The following CIITA variants were observed in gnomAD, a reference collection of about 807,000 sequenced individuals.
CIITA encodes class II major histocompatibility complex transactivator, also known as MHC class II transactivator.
A neutral mutation model predicts 115.1 loss-of-function variants in CIITA; 72 were observed. That is an observed-to-expected ratio of 0.63 (90% CI 0.52 to 0.76). The LOEUF is 0.76. Among genes scored for constraint, CIITA ranks in the 30% least tolerant of loss-of-function variants. The pLI is 0.00. For synonymous variants in CIITA, 763 were observed against 635.6 expected (o/e 1.20, Z -3.02); for missense variants, 1,617 against 1,463.8 (o/e 1.10, Z -1.71).
intron 1 of CIITA, among the ~76,000 whole-genome samples, chr16:10,887,615 C>A (rs373323653): frequency 6.6e-6 from 1 of 152,106 alleles, no homozygotes; most frequent in African/African-American, 2.4e-5. Flanking sequence ...CCTGCCTCAG[C>A]CTCCCAAGTA....
chr16:10,903,660 A>T, intron 8 of CIITA, 71 bp from the exon 9 acceptor site: 1 of 1,539,244 alleles, frequency 6.5e-7, no homozygotes, highest in African/African-American at 1.4e-5. Context: ...AGTTTGGAGT[A>T]GGGGTGACCC....
Position 10,901,757 on chromosome 16 carries a change from T to C in CIITA, c.481+199T>C. The C allele has an allele frequency of 3.0e-6, 2 of 676,094 alleles. No homozygotes were observed. Among genetic ancestry groups the C allele is most frequent in the Non-Finnish European group, 5.1e-6 (2 of 394,736 alleles). The allele number at this position is 676,094 out of a possible 1,614,324, so 41.9% of individuals were successfully genotyped here. A position where few individuals can be genotyped will look rare whatever the true frequency, so the allele number is the denominator to read the frequency against. On this transcript the variant is annotated intron_variant, in intron 6 of 19. Coordinates refer to ENST00000324288, the MANE Select transcript of CIITA (RefSeq NM_000246.4). This position sits in a 1 kb window ranked among gnomAD's most constrained non-coding sequence, Gnocchi z 6.8. ...ACTGTTTGTGGAAGGTGGTAGGGGC[T>C]TGGAGCTAACAGATTGTTCATAGGT... is the stretch of plus-strand genomic sequence containing the variant.
chr16:10,896,827 C>G (rs1471705287), intron 3 of CIITA, among the ~76,000 whole-genome samples: 2 of 152,216 alleles, frequency 1.3e-5, no homozygotes, highest in Non-Finnish European at 2.9e-5. Context: ...CCCCAGAGCA[C>G]AGTGTATTGA....
chr16:10,895,903 G>C, intron 3 of CIITA, 139 bp downstream of exon 3: 1 of 873,418 alleles, frequency 1.1e-6, no homozygotes, highest in East Asian at 2.7e-5. Context: ...CGGAGCAATG[G>C]CTGGAGGAAC....
upstream of CIITA, among the ~76,000 whole-genome samples, chr16:10,873,202 G>T (rs77028406): frequency 0.051 from 7,721 of 152,194 alleles, 1,096 homozygotes; most frequent in East Asian, 0.3. Flanking sequence ...TCAAACTTCT[G>T]GGCTCAAGCG....
chr16:10,875,511 C>T (rs1320928474), upstream of CIITA, among the ~76,000 whole-genome samples: 4 of 152,006 alleles, frequency 2.6e-5, no homozygotes, highest in African/African-American at 9.7e-5. Flanking sequence ...CTAAGTTCCC[C>T]GTCCAGTGCT....
rs1350726803 is a variant in CIITA, at chr16:10,930,977, A to C, written c.*7122A>C. On this transcript the variant is annotated 3_prime_UTR_variant, in exon 20 of 20. Coordinates refer to ENST00000324288, the MANE Select transcript of CIITA (RefSeq NM_000246.4). ...CAGATGCTCACTGCAGAGATCTCCA[A>C]GGCCTGTGGTCATCCTTGAGCCCAT... 1 of 152,282 alleles carries C rather than the reference A, an allele frequency of 6.6e-6. No homozygotes were observed. The highest frequency in any genetic ancestry group is 6.5e-5 in the Admixed American group (1 of 15,282). 9.4% of individuals were successfully genotyped at this position (152,282 alleles called of 1,614,324 possible). A position where few individuals can be genotyped will look rare whatever the true frequency, so the allele number is the denominator to read the frequency against.
chr16:10,894,951 A>G (rs1184363179), intron 1 of CIITA, among the ~76,000 whole-genome samples: 1 of 152,176 alleles, frequency 6.6e-6, no homozygotes, highest in Non-Finnish European at 1.5e-5. Context: ...GGCGTATAGG[A>G]GGTGCTTTAT....
chr16:10,900,587 A>G (rs71381184), intron 5 of CIITA, among the ~76,000 whole-genome samples: 6,902 of 151,852 alleles, frequency 0.045, 208 homozygotes, highest in South Asian at 0.1. Flanking sequence ...TAAAAATACA[A>G]AAATTAGCCA....
chr16:10,916,652 A>G, intron 15 of CIITA, 193 bp downstream of exon 15: 1 of 622,658 alleles, frequency 1.6e-6, no homozygotes, highest in Non-Finnish European at 2.9e-6. Flanking sequence ...CCGCTTCCCA[A>G]AGTGCTGGGA....
rs143304499 is a variant in CIITA at position 10,907,605 on chromosome 16, G to C, written c.2113G>C (p.Glu705Gln). The change falls in exon 11 of 20, where the codon GAG (glutamate) becomes CAG (glutamine). Residue 705 changes from glutamate (E) to glutamine (Q), a missense_variant. Coordinates refer to ENST00000324288, the MANE Select transcript of CIITA (RefSeq NM_000246.4). This position sits in a 1 kb window ranked among gnomAD's most constrained non-coding sequence, Gnocchi z 5.0. ...VQHPPRAAESELAFPSFLLQC... is the reference protein window; with the variant it reads ...VQHPPRAAESQLAFPSFLLQC... The stretch of plus-strand genomic sequence containing the variant: ...ACACCCACCGCGGGCCGCAGAGTCC[G>C]AGCTGGCCTTCCCCAGCTTCCTCCT... 182 of 1,614,116 alleles carry C rather than the reference G, an allele frequency of 1.1e-4. No individual in the cohort carries two copies. Among genetic ancestry groups the C allele is most frequent in the Non-Finnish European group, 1.5e-4 (172 of 1,180,054 alleles).
upstream of CIITA, among the ~76,000 whole-genome samples, chr16:10,875,121 G>T (rs2035744377): frequency 1.3e-5 from 2 of 151,838 alleles, no homozygotes. Context: ...TCACGCCCAG[G>T]CTAATTTTTG....
rs2040986943 is a variant in CIITA, at chr16:10,935,431, G to T, written c.*11576G>T. 6.6e-6 allele frequency: 1 copy of T among 152,190 alleles called. No individual in the cohort carries two copies. Among genetic ancestry groups the T allele is most frequent in the South Asian group, 2.1e-4 (1 of 4,830 alleles). The allele number at this position is 152,190 out of a possible 1,614,324, so 9.4% of individuals were successfully genotyped here. A position where few individuals can be genotyped will look rare whatever the true frequency, so the allele number is the denominator to read the frequency against. Reference sequence around the variant, plus strand: ...TGACTTTAGCTGGCTTTGGTATTTGGCCAAAAGTTAATGACTTTGGCAGTT... The same window carrying T: ...TGACTTTAGCTGGCTTTGGTATTTGTCCAAAAGTTAATGACTTTGGCAGTT... On this transcript the variant is annotated 3_prime_UTR_variant, in exon 20 of 20. Transcript: ENST00000324288.
At chr16:10,868,955 G>A (rs546749682) in intron 1 of CIITA, among the ~76,000 whole-genome samples, 6 of 152,328 alleles carry the variant, frequency 3.9e-5, no homozygotes, top group South Asian at 2.1e-4. Context: ...CTTGACCTGC[G>A]ACAGTGGGCA....
chr16:10,910,471 G>C (rs4780335), intron 13 of CIITA, among the ~76,000 whole-genome samples: 72,005 of 152,068 alleles, frequency 0.47, 17,605 homozygotes, highest in Non-Finnish European at 0.55. Context: ...CCGTTTGCTG[G>C]TTAACATGGT....
upstream of CIITA, among the ~76,000 whole-genome samples, chr16:10,872,281 C>A (rs565799368): frequency 1.3e-5 from 2 of 152,002 alleles, no homozygotes; most frequent in Non-Finnish European, 2.9e-5. Context: ...TGCCACCATG[C>A]CGAGCTAATT....
In CIITA at chr16:10,902,676, C is replaced by T. The variant is rs954347047; in HGVS notation, c.647C>T (p.Ser216Leu). ...CTTGCAGTGCCTTTCTCCAGTTCCT[C>T]GTTGAGCTGCCTGAATCTCCCTGAG... ...DQIPMPFSSS[S>L]LSCLNLPEGP... The change falls in exon 8 of 20, where the codon TCG becomes TTG. Residue 216 changes from serine (S) to leucine (L), a missense_variant. Coordinates refer to ENST00000324288, the MANE Select transcript of CIITA (RefSeq NM_000246.4). 1.5e-5 allele frequency: 25 copies of T among 1,614,126 alleles called. No individual in the cohort carries two copies. Among genetic ancestry groups the T allele is most frequent in the East Asian group, 2.2e-5 (1 of 44,896 alleles).
At chr16:10,874,201 T>C (rs891880631), upstream of CIITA, among the ~76,000 whole-genome samples, 2 of 151,994 alleles carry the variant, frequency 1.3e-5, no homozygotes, top group African/African-American at 4.8e-5. Context: ...CCAGGCTGGT[T>C]TCGAATTCCT....
intron 10 of CIITA, among the ~76,000 whole-genome samples, 162 bp from the exon 11 acceptor site, chr16:10,906,337 G>A (rs917216099): frequency 6.6e-6 from 1 of 152,172 alleles, no homozygotes; most frequent in Non-Finnish European, 1.5e-5. Flanking sequence ...TCCAGCCTGG[G>A]CAAAAAAGCC....
Sources: gnomAD v4.1 joint callset for allele counts (sites outside exome capture counted in the v4.1 genomes callset) on GRCh38, gnomAD v4.1.1 for gene constraint, Gnocchi (gnomAD v3.1) non-coding constraint, MANE v1.5 for transcripts, NCBI Gene and HGNC (gene_info 2026-07-23, HGNC 2026-07-21) for gene names.